The following COL26A1 variants were observed in gnomAD, a reference collection of about 807,000 sequenced individuals.
The protein encoded by COL26A1 is collagen type XXVI alpha 1 chain.
COL26A1 carries 41 observed loss-of-function variants against 59.3 expected under a neutral mutation model. That is an observed-to-expected ratio of 0.69 (90% confidence interval 0.54 to 0.90). COL26A1 has a LOEUF of 0.90. Ranked by LOEUF, COL26A1 falls within the 40% of genes least tolerant of loss-of-function variation. The pLI is 0.00. For synonymous variants in COL26A1, 266 were observed against 256.0 expected, an observed-to-expected ratio of 1.04 and a Z score of -0.37; for missense variants, 612 against 602.3, an observed-to-expected ratio of 1.02 and a Z score of -0.17.
At chr7:101,489,792 T>TTCTCTCTC in intron 3 of COL26A1, among the ~76,000 whole-genome samples, 1 of 2,056 alleles carries the variant, frequency 4.9e-4, no homozygotes, top group East Asian at 4.0e-3. Flanking sequence ...CTTTCTTTCT[T>TTCTCTCTC]TCTTTCTTTC....
At chr7:101,372,719 G>A (rs1204435204) in intron 1 of COL26A1, among the ~76,000 whole-genome samples, 1 of 152,080 alleles carries the variant, frequency 6.6e-6, no homozygotes, top group Non-Finnish European at 1.5e-5. Flanking sequence ...GGACTAATGG[G>A]ATGTGGTGGC....
chr7:101,473,646 AC>A (rs1288937610), intron 3 of COL26A1, among the ~76,000 whole-genome samples: 3 of 143,330 alleles, frequency 2.1e-5, no homozygotes, highest in African/African-American at 5.2e-5. Flanking sequence ...ACACACACAC[AC>A]ACACACAAAC....
intron 1 of COL26A1, among the ~76,000 whole-genome samples, chr7:101,380,817 A>G (rs144248653): frequency 1.1e-3 from 163 of 152,318 alleles, no homozygotes; most frequent in Non-Finnish European, 1.5e-3. Flanking sequence ...TCTTAGAGCT[A>G]GCTCTCTAAC....
intron 4 of COL26A1, among the ~76,000 whole-genome samples, chr7:101,537,828 C>G (rs1467708295): frequency 6.6e-6 from 1 of 152,136 alleles, no homozygotes; most frequent in Non-Finnish European, 1.5e-5. Context: ...CCCACACCAT[C>G]CCTGCCTCCT....
At chr7:101,463,859 CTCT>C (rs1793687609) in intron 3 of COL26A1, among the ~76,000 whole-genome samples, 1 of 97,450 alleles carries the variant, frequency 1.0e-5, no homozygotes, top group South Asian at 4.0e-4. Flanking sequence ...CCTCTTTTTT[CTCT>C]TTTTTCTTTT....
intron 3 of COL26A1, among the ~76,000 whole-genome samples, chr7:101,522,733 GT>G (rs1795163292): frequency 6.6e-6 from 1 of 151,960 alleles, no homozygotes; most frequent in Admixed American, 6.6e-5. Flanking sequence ...TGCCAAAGGG[GT>G]TTTAAAAGTG....
intron 3 of COL26A1, among the ~76,000 whole-genome samples, chr7:101,463,783 T>TTCTCTCTCTTTCTTTCTG: frequency 8.4e-6 from 1 of 119,686 alleles, no homozygotes; most frequent in East Asian, 2.6e-4. Flanking sequence ...CTTTCTTTCT[T>TTCTCTCTCTTTCTTTCTG]TCTTCCTTTC....
At chr7:101,545,293 G>A (rs371717558) in intron 6 of COL26A1, 45 bp from the exon 7 acceptor site, 1,010 of 1,513,912 alleles carry the variant, frequency 6.7e-4, no homozygotes, top group Non-Finnish European at 8.3e-4. Context: ...GCAGCCACCC[G>A]CCAGGCTCCG....
At chr7:101,498,245 C>T (rs912509251) in intron 3 of COL26A1, among the ~76,000 whole-genome samples, 4 of 152,156 alleles carry the variant, frequency 2.6e-5, no homozygotes, top group African/African-American at 7.2e-5. Context: ...ATGAGTGACT[C>T]CATTTTGGTT....
intron 3 of COL26A1, among the ~76,000 whole-genome samples, chr7:101,503,692 A>G (rs1199059246): frequency 3.9e-5 from 6 of 152,184 alleles, no homozygotes; most frequent in South Asian, 2.1e-4. Context: ...AAGGGTCTGC[A>G]TGGCTCACAA....
intron 1 of COL26A1, among the ~76,000 whole-genome samples, chr7:101,381,123 A>T (rs1180632359): frequency 6.6e-6 from 1 of 152,232 alleles, no homozygotes; most frequent in African/African-American, 2.4e-5. Context: ...TCTTGAGATC[A>T]GAAGTCCAAA....
At chr7:101,369,059 T>G (rs1791120320) in intron 1 of COL26A1, among the ~76,000 whole-genome samples, 1 of 152,128 alleles carries the variant, frequency 6.6e-6, no homozygotes, top group Non-Finnish European at 1.5e-5. Flanking sequence ...CTAGTTACTC[T>G]GTCTTCAACT....
intron 3 of COL26A1, among the ~76,000 whole-genome samples, chr7:101,450,347 G>C (rs1793301031): frequency 6.6e-6 from 1 of 152,130 alleles, no homozygotes; most frequent in African/African-American, 2.4e-5. Flanking sequence ...TAGGTACATG[G>C]ACCATGGCCA....
chr7:101,444,417 C>CTTTT lies in COL26A1; in HGVS notation c.282-3255_282-3252dup, dbSNP rs71517174. On this transcript the variant is annotated intron_variant, in intron 2 of 12. Coordinates refer to ENST00000313669, the MANE Select transcript of COL26A1 (RefSeq NM_001278563.3). ...CCTTCCTTTCCTTCCTTCCTTTCTT[C>CTTTT]TTTTTTTTTTTTTTTGAGACAGAGT... is the stretch of plus-strand genomic sequence containing the variant. Among the ~76,000 whole-genome samples, 93 of 137,774 alleles carry CTTTT rather than the reference C, an allele frequency of 6.8e-4. 1 individual carries two copies. Among genetic ancestry groups the CTTTT allele is most frequent in the African/African-American group, 2.2e-3 (83 of 37,760 alleles). 90.4% of individuals were successfully genotyped at this position (137,774 alleles called of 152,430 possible). A position where few individuals can be genotyped will look rare whatever the true frequency, so the allele number is the denominator to read the frequency against.
chr7:101,465,450 C>T (rs1293101016), intron 3 of COL26A1, among the ~76,000 whole-genome samples: 1 of 152,054 alleles, frequency 6.6e-6, no homozygotes, highest in Non-Finnish European at 1.5e-5. Flanking sequence ...CAAGTGCTTT[C>T]AGATTACAGG....
rs1292635573 is a variant in COL26A1, at chr7:101,489,694, TTTC to T, written c.385+41909_385+41911del. On this transcript the variant is annotated intron_variant, in intron 3 of 12. Transcript: ENST00000313669. ...CTTCCTTCCTTCCTTTCTTTCTTTCTTTCTGTCTTTCTTTCTTTCATTCTTTCT... is the reference window on the plus strand; with the variant it reads ...CTTCCTTCCTTCCTTTCTTTCTTTCTTGTCTTTCTTTCTTTCATTCTTTCT... 1.3e-3 allele frequency among the ~76,000 whole-genome samples: 11 copies of T among 8,440 alleles called. 3 individuals are homozygous for T. The highest frequency in any genetic ancestry group is 1.9e-3 in the Non-Finnish European group (11 of 5,678). The allele number at this position is 8,440 out of a possible 152,430, so 5.5% of individuals were successfully genotyped here. A position where few individuals can be genotyped will look rare whatever the true frequency, so the allele number is the denominator to read the frequency against.
intron 4 of COL26A1, among the ~76,000 whole-genome samples, chr7:101,535,864 G>A (rs1056937046): frequency 1.3e-5 from 2 of 152,192 alleles, no homozygotes; most frequent in African/African-American, 4.8e-5. Context: ...GGCCTGGAGT[G>A]TGCAGAGATG....
chr7:101,502,890 A>G (rs1794734451), intron 3 of COL26A1, among the ~76,000 whole-genome samples: 1 of 152,046 alleles, frequency 6.6e-6, no homozygotes, highest in African/African-American at 2.4e-5. Flanking sequence ...CTCATTCTCT[A>G]AGGGGCGGGA....
chr7:101,468,791 G>A (rs894311129), intron 3 of COL26A1, among the ~76,000 whole-genome samples: 9 of 152,224 alleles, frequency 5.9e-5, no homozygotes, highest in African/African-American at 2.2e-4. Flanking sequence ...CTGGCCATCT[G>A]TAGGGGTGCA....
Sources: allele counts gnomAD v4.1 joint callset (sites outside exome capture counted in the v4.1 genomes callset), GRCh38; gene constraint gnomAD v4.1.1; transcripts MANE v1.5; gene names NCBI Gene and HGNC (gene_info 2026-07-23, HGNC 2026-07-21).